TSHZ3: variants seen among roughly 807,000 people sequenced by gnomAD.
TSHZ3 encodes the protein teashirt zinc finger homeobox 3.
In TSHZ3, 10 loss-of-function variants were observed where a neutral mutation model predicts 64.5. That is an observed-to-expected ratio of 0.16 (90% CI 0.10 to 0.26). The LOEUF (loss-of-function observed/expected upper bound fraction) is 0.26. Among genes scored for constraint, TSHZ3 ranks in the 10% least tolerant of loss-of-function variants. The pLI, the probability that TSHZ3 is intolerant of heterozygous loss-of-function variation, is 1.00. For synonymous variants in TSHZ3, 608 were observed against 593.1 expected, an observed-to-expected ratio of 1.03 and a Z score of -0.36; for missense variants, 1,242 against 1,421.7, an observed-to-expected ratio of 0.87 and a Z score of 2.03.
intron 1 of TSHZ3, among the ~76,000 whole-genome samples, chr19:31,299,450 G>A (rs1284646320): frequency 1.3e-5 from 2 of 152,178 alleles, no homozygotes; most frequent in East Asian, 1.9e-4. Context: ...TCTGCTGGTC[G>A]CAATTGTGGG....
At chr19:31,165,383 T>A (rs1176266709) in intron 5 of TSHZ3, among the ~76,000 whole-genome samples, 1 of 152,166 alleles carries the variant, frequency 6.6e-6, no homozygotes, top group Non-Finnish European at 1.5e-5. Context: ...AAACACATTT[T>A]TTTTCATGAC....
intron 1 of TSHZ3, among the ~76,000 whole-genome samples, chr19:31,256,307 C>A (rs1330244188): frequency 1.3e-5 from 2 of 152,122 alleles, no homozygotes; most frequent in Non-Finnish European, 2.9e-5. Flanking sequence ...ATCCAACACA[C>A]CCTCTGTGCA....
chr19:31,172,608 G>A (rs1974550963), intron 5 of TSHZ3, among the ~76,000 whole-genome samples: 1 of 152,064 alleles, frequency 6.6e-6, no homozygotes, highest in Non-Finnish European at 1.5e-5. Context: ...ACGTTCTAGT[G>A]GAAAGACAAA....
chr19:31,348,468 GA>G (rs769813617), intron 1 of TSHZ3, among the ~76,000 whole-genome samples: 870 of 82,378 alleles, frequency 0.011, 11 homozygotes, highest in Middle Eastern at 0.051. Context: ...TAAAGAAGAA[GA>G]AAAAAAAAAA....
At position 31,275,937 on chromosome 19, in the gene TSHZ3, G is replaced by C. The variant is rs1445163915; in HGVS notation, c.*610C>G. ...CACAATCACATTTTTTTTCATAAGA[G>C]AGTCTGAAATCTATACAATATATAC... On this transcript the variant is annotated 3_prime_UTR_variant, in exon 2 of 2. Transcript: ENST00000240587. 1 of 152,420 alleles carries C rather than the reference G, an allele frequency of 6.6e-6. No homozygotes were observed. Among genetic ancestry groups the C allele is most frequent in the Non-Finnish European group, 1.5e-5 (1 of 68,002 alleles). 9.4% of individuals were successfully genotyped at this position (152,420 alleles called of 1,614,324 possible).
chr19:31,256,821 T>C (rs1568361252), intron 1 of TSHZ3, among the ~76,000 whole-genome samples: 1 of 152,132 alleles, frequency 6.6e-6, no homozygotes, highest in East Asian at 1.9e-4. Context: ...CACTGGACAG[T>C]CTGCCTGGCT....
intron 1 of TSHZ3, among the ~76,000 whole-genome samples, chr19:31,316,659 A>C (rs1916610551): frequency 6.6e-6 from 1 of 152,188 alleles, no homozygotes. Flanking sequence ...TAAAAAAGCA[A>C]AATTCTAAAT....
At chr19:31,349,085 G>T in intron 1 of TSHZ3, 95 bp downstream of exon 1, 1 of 1,458,140 alleles carries the variant, frequency 6.9e-7, no homozygotes, top group Non-Finnish European at 9.2e-7. Flanking sequence ...GCGGGCAGAA[G>T]AGCGGGGCGA....
chr19:31,343,167 G>A (rs1457439497), intron 1 of TSHZ3, among the ~76,000 whole-genome samples: 1 of 152,182 alleles, frequency 6.6e-6, no homozygotes, highest in Non-Finnish European at 1.5e-5. Context: ...TTCCCCAACA[G>A]CTGTTCTGGA....
chr19:31,246,214 A>T (rs528468178), intron 1 of TSHZ3, among the ~76,000 whole-genome samples: 1 of 152,300 alleles, frequency 6.6e-6, no homozygotes, highest in African/African-American at 2.4e-5. Context: ...CTACAATTCT[A>T]ATTTCTGTGG....
intron 5 of TSHZ3, among the ~76,000 whole-genome samples, chr19:31,179,247 G>A (rs537768445): frequency 6.6e-6 from 1 of 152,294 alleles, no homozygotes; most frequent in South Asian, 2.1e-4. Flanking sequence ...CAGGGAAGGA[G>A]CAGTAACCAG....
intron 5 of TSHZ3, among the ~76,000 whole-genome samples, chr19:31,172,059 A>G (rs118005172): frequency 3.1e-3 from 465 of 152,276 alleles, no homozygotes; most frequent in Non-Finnish European, 5.1e-3. Context: ...CAACCATGAC[A>G]ACTGAGAAAG....
chr19:31,234,627 T>C (rs559911111), intron 3 of TSHZ3, among the ~76,000 whole-genome samples: 1 of 152,240 alleles, frequency 6.6e-6, no homozygotes, highest in Non-Finnish European at 1.5e-5. Context: ...GCTGCATCTA[T>C]CTACTGGGAT....
At chr19:31,193,485 A>C (rs1405105828) in intron 5 of TSHZ3, among the ~76,000 whole-genome samples, 1 of 152,170 alleles carries the variant, frequency 6.6e-6, no homozygotes, top group Non-Finnish European at 1.5e-5. Flanking sequence ...AATGCCAGGC[A>C]TGTTCCAAGC....
chr19:31,318,968 C>T (rs975635361), intron 1 of TSHZ3, among the ~76,000 whole-genome samples: 2 of 152,218 alleles, frequency 1.3e-5, no homozygotes, highest in Non-Finnish European at 2.9e-5. Context: ...ACAATCCTAC[C>T]ACCCTGGTGC....
At chr19:31,177,247 A>G (rs539185359) in intron 5 of TSHZ3, among the ~76,000 whole-genome samples, 78 of 152,334 alleles carry the variant, frequency 5.1e-4, no homozygotes, top group Non-Finnish European at 8.2e-4. Flanking sequence ...TGTATTTCAA[A>G]TTAAACATTT....
chr19:31,282,591 C>T (rs751135591), intron 1 of TSHZ3, among the ~76,000 whole-genome samples: 6 of 152,122 alleles, frequency 3.9e-5, no homozygotes, highest in African/African-American at 7.2e-5. Flanking sequence ...CAGCCCAGGC[C>T]GTCCGGAGCA....
intron 5 of TSHZ3, among the ~76,000 whole-genome samples, chr19:31,174,712 T>C (rs540890066): frequency 6.6e-6 from 1 of 152,302 alleles, no homozygotes; most frequent in South Asian, 2.1e-4. Flanking sequence ...CTGTGTGTGA[T>C]TTGAGATCTA....
At chr19:31,271,166 C>CT (rs1568364518), downstream of TSHZ3, among the ~76,000 whole-genome samples, 1 of 152,138 alleles carries the variant, frequency 6.6e-6, no homozygotes, top group Non-Finnish European at 1.5e-5. Flanking sequence ...AATCTATTGT[C>CT]TTGGCAGGGC....
Sources: gnomAD v4.1 joint callset for allele counts (sites outside exome capture counted in the v4.1 genomes callset) on GRCh38, gnomAD v4.1.1 for gene constraint, MANE v1.5 for transcripts, NCBI Gene and HGNC (gene_info 2026-07-23, HGNC 2026-07-21) for gene names.